ADGRB3: variants seen among roughly 807,000 people sequenced by gnomAD.
ADGRB3 encodes adhesion G protein-coupled receptor B3.
ADGRB3 carries 37 observed loss-of-function variants against 193.4 expected under a neutral mutation model. The ratio of observed to expected loss-of-function variants is 0.19; its 90% CI spans 0.15 to 0.25. The LOEUF is 0.25. Ranked by LOEUF, ADGRB3 falls within the 10% of genes least tolerant of loss-of-function variation. The pLI is 1.00. For missense variants in ADGRB3, 1,637 were observed against 1,852.9 expected, an observed-to-expected ratio of 0.88 and a Z score of 2.14; for synonymous variants, 690 against 644.2, an observed-to-expected ratio of 1.07 and a Z score of -1.08.
At chr6:68,895,771 T>G (rs1766201882) in intron 3 of ADGRB3, among the ~76,000 whole-genome samples, 1 of 152,002 alleles carries the variant, frequency 6.6e-6, no homozygotes, top group Admixed American at 6.6e-5. Flanking sequence ...AACTGGGAAT[T>G]CACATAGTGT....
chr6:68,906,916 C>A (rs899905014), intron 3 of ADGRB3, among the ~76,000 whole-genome samples: 1 of 151,966 alleles, frequency 6.6e-6, no homozygotes, highest in Admixed American at 6.6e-5. Context: ...TTAATATTTG[C>A]TTCTGTACTG....
In ADGRB3 at chr6:68,743,953, C is replaced by T. The variant is rs1447567126; in HGVS notation, c.757+104521C>T. Among the ~76,000 whole-genome samples, 3 of 152,018 alleles carry T rather than the reference C, an allele frequency of 2.0e-5. No homozygotes were observed. The East Asian group carries it at 5.8e-4, about 29-fold the overall frequency. ...CCTCCTCCTTTTTTTGTGAAACAAT[C>T]TGGAGTCTATTAAAATTTAAAACAC... On this transcript the variant is annotated intron_variant, in intron 3 of 31. Coordinates refer to ENST00000370598, the MANE Select transcript of ADGRB3 (RefSeq NM_001704.3).
At chr6:68,865,299 C>G (rs1208040573) in intron 3 of ADGRB3, among the ~76,000 whole-genome samples, 3 of 151,748 alleles carry the variant, frequency 2.0e-5, no homozygotes, top group South Asian at 2.1e-4. Flanking sequence ...AAATTTAATC[C>G]CAATTGATTA....
intron 3 of ADGRB3, among the ~76,000 whole-genome samples, chr6:68,699,673 CAGAGCTCTTAG>C (rs893491694): frequency 6.6e-6 from 1 of 151,636 alleles, no homozygotes; most frequent in Non-Finnish European, 1.5e-5. Flanking sequence ...TACAAATACC[CAGAGCTCTTAG>C]AGTGACATAA....
At chr6:69,133,079 T>C (rs565239265) in intron 17 of ADGRB3, among the ~76,000 whole-genome samples, 10 of 152,202 alleles carry the variant, frequency 6.6e-5, no homozygotes, top group Non-Finnish European at 1.2e-4. Context: ...AGCTTTGTTC[T>C]TTTTTCTTAG....
chr6:69,365,787 G>A (rs767481263), intron 29 of ADGRB3, among the ~76,000 whole-genome samples: 6 of 152,020 alleles, frequency 3.9e-5, no homozygotes, highest in Non-Finnish European at 7.4e-5. Flanking sequence ...GAATTATAGA[G>A]CTCTCAGCAT....
At chr6:69,006,824 T>C (rs1246841565) in intron 11 of ADGRB3, among the ~76,000 whole-genome samples, 1 of 152,090 alleles carries the variant, frequency 6.6e-6, no homozygotes, top group Non-Finnish European at 1.5e-5. Context: ...CTGCTTTCTT[T>C]CTTACTTCGT....
intron 20 of ADGRB3, among the ~76,000 whole-genome samples, chr6:69,324,194 T>C (rs1352805484): frequency 6.6e-6 from 1 of 152,092 alleles, no homozygotes. Context: ...ATCTATAAAA[T>C]CTTAGCCCTG....
At chr6:68,830,847 A>G (rs529286310) in intron 3 of ADGRB3, among the ~76,000 whole-genome samples, 42 of 152,092 alleles carry the variant, frequency 2.8e-4, no homozygotes, top group African/African-American at 9.9e-4. Flanking sequence ...GGACAGTGCT[A>G]AAATCATGGT....
chr6:68,843,380 CAACA>C (rs1397216602), intron 3 of ADGRB3, among the ~76,000 whole-genome samples: 4 of 151,836 alleles, frequency 2.6e-5, no homozygotes, highest in African/African-American at 9.7e-5. Context: ...TATATGCCAA[CAACA>C]AACAATCTGA....
chr6:69,146,953 A>G (rs903220144), intron 17 of ADGRB3, among the ~76,000 whole-genome samples: 1 of 150,834 alleles, frequency 6.6e-6, no homozygotes, highest in African/African-American at 2.4e-5. Context: ...ATAGTTGCCG[A>G]CAGTAGCCTG....
intron 3 of ADGRB3, among the ~76,000 whole-genome samples, chr6:68,862,086 T>G (rs1765171167): frequency 6.6e-6 from 1 of 151,558 alleles, no homozygotes; most frequent in East Asian, 2.0e-4. Flanking sequence ...ACTTTCCAAC[T>G]CATCCTGTGG....
chr6:68,824,571 C>G (rs1452161350), intron 3 of ADGRB3, among the ~76,000 whole-genome samples: 2 of 147,230 alleles, frequency 1.4e-5, no homozygotes, highest in Admixed American at 6.8e-5. Flanking sequence ...GCACAATATG[C>G]AATATATGTA....
At chr6:69,215,556 G>A (rs2127243997) in intron 17 of ADGRB3, among the ~76,000 whole-genome samples, 1 of 151,984 alleles carries the variant, frequency 6.6e-6, no homozygotes, top group African/African-American at 2.4e-5. Flanking sequence ...TTTCAAAAGT[G>A]AAGTGTTTTC....
intron 15 of ADGRB3, among the ~76,000 whole-genome samples, chr6:69,052,154 C>T (rs1378722739): frequency 2.0e-5 from 3 of 152,130 alleles, no homozygotes; most frequent in Non-Finnish European, 4.4e-5. Flanking sequence ...TCCCAAAGTG[C>T]TGAGATTGCA....
At chr6:68,774,359 C>T (rs555761404) in intron 3 of ADGRB3, among the ~76,000 whole-genome samples, 62 of 148,492 alleles carry the variant, frequency 4.2e-4, no homozygotes, top group African/African-American at 1.5e-3. Flanking sequence ...ACTGAATCTT[C>T]CACTATGCCT....
intron 17 of ADGRB3, among the ~76,000 whole-genome samples, chr6:69,195,945 T>C (rs1447751402): frequency 2.6e-5 from 4 of 152,138 alleles, no homozygotes; most frequent in African/African-American, 4.8e-5. Flanking sequence ...AAATGAATAG[T>C]CTACTGATAT....
At chr6:69,369,864 T>G (rs1562001769) in intron 29 of ADGRB3, among the ~76,000 whole-genome samples, 1 of 151,992 alleles carries the variant, frequency 6.6e-6, no homozygotes, top group South Asian at 2.1e-4. Flanking sequence ...AATTGCTAGG[T>G]TTTTTTTCTC....
At chr6:68,993,166 CAG>C (rs1769287232) in intron 10 of ADGRB3, among the ~76,000 whole-genome samples, 1 of 150,410 alleles carries the variant, frequency 6.6e-6, no homozygotes, top group East Asian at 2.0e-4. Flanking sequence ...GAAGACCCAG[CAG>C]AGAGTTTTCA....
Sources: allele counts gnomAD v4.1 joint callset (sites outside exome capture counted in the v4.1 genomes callset), GRCh38; gene constraint gnomAD v4.1.1; transcripts MANE v1.5; gene names NCBI Gene and HGNC (gene_info 2026-07-23, HGNC 2026-07-21).